Variants in C3orf70 observed in about 807,000 individuals in gnomAD.
The protein encoded by C3orf70 is chromosome 3 open reading frame 70.
Under a neutral mutation model 20.7 loss-of-function variants are expected in C3orf70, and 15 were observed. The ratio of observed to expected loss-of-function variants is 0.72; its 90% confidence interval spans 0.48 to 1.11. C3orf70 has a LOEUF of 1.11. Among genes scored for constraint, C3orf70 ranks in the 50% most tolerant of loss-of-function variants. C3orf70 has a pLI of 0.00. For missense variants in C3orf70, 332 were observed against 317.6 expected (o/e 1.05, Z -0.34); for synonymous variants, 161 against 125.7 (o/e 1.28, Z -1.88).
chr3:185,140,086 A>G, intron 1 of C3orf70, among the ~76,000 whole-genome samples: 1 of 152,042 alleles, frequency 6.6e-6, no homozygotes, highest in Admixed American at 6.5e-5. Context: ...ACCTGAACAT[A>G]CTCAAGTCCC....
At chr3:185,085,759 C>T (rs546070671) in intron 1 of C3orf70, among the ~76,000 whole-genome samples, 1 of 141,140 alleles carries the variant, frequency 7.1e-6, no homozygotes, top group Non-Finnish European at 1.5e-5. Flanking sequence ...TGGACACTAT[C>T]GGCTGAAGGG....
At chr3:185,102,836 G>A (rs909748763) in intron 1 of C3orf70, among the ~76,000 whole-genome samples, 2 of 152,224 alleles carry the variant, frequency 1.3e-5, no homozygotes, top group Non-Finnish European at 1.5e-5. Flanking sequence ...ATGATGCTTA[G>A]ATAACTGGCT....
intron 1 of C3orf70, among the ~76,000 whole-genome samples, chr3:185,121,358 T>TAAA (rs59087246): frequency 8.4e-6 from 1 of 119,696 alleles, no homozygotes; most frequent in African/African-American, 2.9e-5. Context: ...CTATGGAAAT[T>TAAA]AAAAAAAAAA....
intron 1 of C3orf70, among the ~76,000 whole-genome samples, chr3:185,137,726 T>C (rs1449307479): frequency 1.3e-5 from 2 of 152,118 alleles, no homozygotes; most frequent in African/African-American, 4.8e-5. Flanking sequence ...CACATAAAAA[T>C]TTATGATACA....
At chr3:185,126,445 T>C (rs1228634723) in intron 1 of C3orf70, among the ~76,000 whole-genome samples, 1 of 152,126 alleles carries the variant, frequency 6.6e-6, no homozygotes, top group Non-Finnish European at 1.5e-5. Flanking sequence ...AAAACAGATA[T>C]AGAACAGCAT....
intron 1 of C3orf70, among the ~76,000 whole-genome samples, chr3:185,138,445 T>TA (rs750146579): frequency 0.02 from 2,515 of 127,914 alleles, 43 homozygotes; most frequent in African/African-American, 0.051. Flanking sequence ...CAGACAGTAA[T>TA]AATAAAAAAA....
At chr3:185,128,037 T>C (rs193012588) in intron 1 of C3orf70, among the ~76,000 whole-genome samples, 8 of 152,282 alleles carry the variant, frequency 5.3e-5, no homozygotes, top group African/African-American at 1.9e-4. Context: ...TCAAATTAAA[T>C]ACGCAAGCAG....
chr3:185,094,618 G>C (rs933952203), intron 1 of C3orf70, among the ~76,000 whole-genome samples: 1 of 151,618 alleles, frequency 6.6e-6, no homozygotes, highest in Non-Finnish European at 1.5e-5. Flanking sequence ...GTTGAGAGAG[G>C]CTCCTTTTAC....
chr3:185,126,262 G>A (rs1174971371), intron 1 of C3orf70, among the ~76,000 whole-genome samples: 1 of 152,162 alleles, frequency 6.6e-6, no homozygotes, highest in Non-Finnish European at 1.5e-5. Context: ...TAGTGTCTAA[G>A]TTCAGGCTGC....
intron 1 of C3orf70, among the ~76,000 whole-genome samples, chr3:185,092,018 T>C (rs1715602233): frequency 7.1e-6 from 1 of 140,260 alleles, no homozygotes; most frequent in African/African-American, 2.6e-5. Context: ...AGGCTGGTCT[T>C]GAACTCCTGA....
At chr3:185,123,284 C>T (rs1457056664) in intron 1 of C3orf70, among the ~76,000 whole-genome samples, 1 of 151,334 alleles carries the variant, frequency 6.6e-6, no homozygotes, top group African/African-American at 2.4e-5. Context: ...AAAAAAAGTC[C>T]TTTTTTTACA....
intron 1 of C3orf70, among the ~76,000 whole-genome samples, chr3:185,138,868 G>A (rs898362382): frequency 1.3e-5 from 2 of 152,204 alleles, no homozygotes; most frequent in Non-Finnish European, 1.5e-5. Context: ...GAGAGGCCAA[G>A]GTGGGAGGAC....
intron 1 of C3orf70, among the ~76,000 whole-genome samples, chr3:185,129,204 A>C: frequency 6.6e-6 from 1 of 152,170 alleles, no homozygotes; most frequent in East Asian, 1.9e-4. Context: ...CCCAACAGGT[A>C]GTTTTGCAAT....
chr3:185,110,508 T>C (rs6770345), intron 1 of C3orf70, among the ~76,000 whole-genome samples: 7,756 of 152,062 alleles, frequency 0.051, 645 homozygotes, highest in African/African-American at 0.18. Context: ...TTGCTTTTAT[T>C]GATTTGCAAA....
intron 1 of C3orf70, among the ~76,000 whole-genome samples, chr3:185,089,113 T>C (rs1715514906): frequency 1.3e-5 from 2 of 152,212 alleles, no homozygotes; most frequent in African/African-American, 4.8e-5. Context: ...ACCTGCCCAG[T>C]AACGGCATCT....
chr3:185,120,940 G>A (rs1021931654), intron 1 of C3orf70, among the ~76,000 whole-genome samples: 2 of 152,082 alleles, frequency 1.3e-5, no homozygotes, highest in Non-Finnish European at 2.9e-5. Context: ...CACGTTTATA[G>A]CAGCACCATT....
rs1302114725 is a variant in C3orf70, at chr3:185,134,126, T to G, written c.196+18502A>C. On this transcript the variant is annotated intron_variant, in intron 1 of 1. Coordinates refer to ENST00000335012, the MANE Select transcript of C3orf70 (RefSeq NM_001025266.3). The stretch of plus-strand genomic sequence containing the variant: ...AGAAAAAAAATACATCATATATATA[T>G]AGAGGAGATGGATTCAAATGCAGTA... 2.6e-5 allele frequency among the ~76,000 whole-genome samples: 4 copies of G among 151,084 alleles called. 1 individual carries two copies. Among genetic ancestry groups the G allele is most frequent in the South Asian group, 2.1e-4 (1 of 4,796 alleles).
intron 1 of C3orf70, among the ~76,000 whole-genome samples, chr3:185,085,789 A>C (rs943431656): frequency 2.7e-5 from 4 of 149,376 alleles, no homozygotes; most frequent in African/African-American, 7.4e-5. Flanking sequence ...GCTGACCTTT[A>C]AGCCTCCCTC....
chr3:185,079,040 G>A lies in C3orf70; in HGVS notation c.*3967C>T, dbSNP rs1356346711. On this transcript the variant is annotated 3_prime_UTR_variant, in exon 2 of 2. Transcript: ENST00000335012. ...TTCACGCCTGCAATCCCAGCACTTTGGGAAGCCGAGGAGGGTGGATCACGA... is the reference window on the plus strand; with the variant it reads ...TTCACGCCTGCAATCCCAGCACTTTAGGAAGCCGAGGAGGGTGGATCACGA... 6.6e-6 allele frequency: 1 copy of A among 152,128 alleles called. No homozygotes were observed. The highest frequency in any genetic ancestry group is 2.4e-5 in the African/African-American group (1 of 41,404). The allele number at this position is 152,128 out of a possible 1,614,324, so 9.4% of individuals were successfully genotyped here. A position where few individuals can be genotyped will look rare whatever the true frequency, so the allele number is the denominator to read the frequency against.
Sources: gnomAD v4.1 joint callset for allele counts (sites outside exome capture counted in the v4.1 genomes callset) on GRCh38, gnomAD v4.1.1 for gene constraint, MANE v1.5 for transcripts, NCBI Gene and HGNC (gene_info 2026-07-23, HGNC 2026-07-21) for gene names.